The following NID2 variants were observed in gnomAD, a reference collection of about 807,000 sequenced individuals.
NID2 encodes the protein nidogen-2.
NID2 carries 83 observed loss-of-function variants against 145.4 expected under a neutral mutation model. The ratio of observed to expected loss-of-function variants is 0.57; its 90% CI spans 0.48 to 0.69. The LOEUF is 0.69. Among genes scored for constraint, NID2 ranks in the 30% least tolerant of loss-of-function variants. The pLI is 0.00. For synonymous variants in NID2, 739 were observed against 701.3 expected (o/e 1.05, Z -0.85); for missense variants, 1,807 against 1,765.7 (o/e 1.02, Z -0.42).
Position 52,005,374 on chromosome 14 carries a change from C to A in NID2, c.*112G>T. The A allele has an allele frequency of 9.7e-7, 1 of 1,031,222 alleles. No individual in the cohort carries two copies. Among genetic ancestry groups the A allele is most frequent in the South Asian group, 2.7e-5 (1 of 36,612 alleles). The allele number at this position is 1,031,222 out of a possible 1,614,324, so 63.9% of individuals were successfully genotyped here. On this transcript the variant is annotated 3_prime_UTR_variant, in exon 22 of 22. Coordinates refer to ENST00000216286, the MANE Select transcript of NID2 (RefSeq NM_007361.4). ...CTACAAAATGTTCATCTTGGATGCT[C>A]AGGAACGTCTAATGGCCAATTCCTT...
intron 3 of NID2, among the ~76,000 whole-genome samples, chr14:52,055,444 A>AAT (rs1892814041): frequency 6.6e-6 from 1 of 152,206 alleles, no homozygotes; most frequent in Non-Finnish European, 1.5e-5. Context: ...AAACCTAAAA[A>AAT]ATTTGTTTTT....
chr14:52,015,065 G>A lies in NID2; in HGVS notation c.3239C>T (p.Thr1080Ile). The A allele has an allele frequency of 6.2e-7, 1 of 1,613,496 alleles. No homozygotes were observed. The highest frequency in any genetic ancestry group is 1.1e-5 in the South Asian group (1 of 90,962). Residue 1080 changes from threonine (T) to isoleucine (I), a missense_variant, in exon 15 of 22, where the codon ACC becomes ATC. Physicochemically the swap from Thr to Ile is moderately conservative, Grantham distance 89. Coordinates refer to ENST00000216286, the MANE Select transcript of NID2 (RefSeq NM_007361.4). ...EVQGTRSQPG[T>I]TPACIPTVAP... The stretch of plus-strand genomic sequence containing the variant: ...GGCCAGGTGCTTACACGCAGGGGTG[G>A]TGCCTGGCTGGGAGCGGGTGCCCTG...
At chr14:52,067,775 C>A in intron 2 of NID2, 83 bp downstream of exon 2, 1 of 1,514,190 alleles carries the variant, frequency 6.6e-7, no homozygotes, top group Non-Finnish European at 9.1e-7. Flanking sequence ...AGAAACAACT[C>A]CGAGCCAGTC....
At chr14:52,043,495 G>C (rs8012177) in intron 5 of NID2, among the ~76,000 whole-genome samples, 6,796 of 152,216 alleles carry the variant, frequency 0.045, 221 homozygotes, top group South Asian at 0.1. Context: ...GACAGAGGAG[G>C]GCAAAACAAC....
chr14:52,050,898 A>G (rs1892657289), intron 5 of NID2, among the ~76,000 whole-genome samples: 1 of 152,224 alleles, frequency 6.6e-6, no homozygotes, highest in African/African-American at 2.4e-5. Flanking sequence ...CTCACTTTAG[A>G]GCAGCAGGCT....
At chr14:52,007,639 A>C in intron 19 of NID2, 171 bp downstream of exon 19, 1 of 656,454 alleles carries the variant, frequency 1.5e-6, no homozygotes, top group South Asian at 1.9e-5. Context: ...AAACCCCAGA[A>C]AGTTCATTTT....
Position 52,038,965 on chromosome 14 carries a change from G to A in NID2, c.2039C>T (p.Thr680Ile). 6.2e-7 allele frequency: 1 copy of A among 1,611,972 alleles called. No homozygotes were observed. The highest frequency in any genetic ancestry group is 8.5e-7 in the Non-Finnish European group (1 of 1,178,976). Residue 680 changes from threonine to isoleucine, a missense_variant, in exon 9 of 22, where the codon ACA becomes ATA. Thr to Ile is a moderately conservative substitution (Grantham distance 89). Coordinates refer to ENST00000216286, the MANE Select transcript of NID2 (RefSeq NM_007361.4). ...AGTCAGAGAGTAGTCTCTGGAACTTGTAGAGGTCACAGCTGCAACAAACAC... is the reference window on the plus strand; with the variant it reads ...AGTCAGAGAGTAGTCTCTGGAACTTATAGAGGTCACAGCTGCAACAAACAC... ...YHYSDSTVTS[T>I]SSRDYSLTFG...
chr14:52,068,722 AGGGAAGAAGCTGC>A, intron 1 of NID2, 32 bp downstream of exon 1: 1 of 1,531,484 alleles, frequency 6.5e-7, no homozygotes, highest in Non-Finnish European at 8.9e-7. Flanking sequence ...GACCGACCCC[AGGGAAGAAGCTGC>A]GGGAAAAGTG....
At chr14:52,007,643 T>G in intron 19 of NID2, 167 bp downstream of exon 19, 1 of 670,578 alleles carries the variant, frequency 1.5e-6, no homozygotes, top group Non-Finnish European at 2.6e-6. Flanking sequence ...CCCAGAAAGT[T>G]CATTTTAAGA....
intron 19 of NID2, 161 bp downstream of exon 19, chr14:52,007,649 T>C: frequency 1.4e-6 from 1 of 694,482 alleles, no homozygotes; most frequent in Non-Finnish European, 2.5e-6. Flanking sequence ...AAGTTCATTT[T>C]AAGACTCATT....
At chr14:52,027,433 C>T (rs1429529783) in intron 11 of NID2, 89 bp from the exon 12 acceptor site, 5 of 1,195,738 alleles carry the variant, frequency 4.2e-6, no homozygotes, top group Non-Finnish European at 5.5e-6. Flanking sequence ...AGACCAACAG[C>T]AACAGACCAG....
At chr14:52,053,176 C>A (rs1892731356) in intron 5 of NID2, among the ~76,000 whole-genome samples, 1 of 152,242 alleles carries the variant, frequency 6.6e-6, no homozygotes, top group African/African-American at 2.4e-5. Flanking sequence ...TCATCTGAGC[C>A]AGCACAACTC....
intron 14 of NID2, among the ~76,000 whole-genome samples, chr14:52,017,629 C>G (rs1037189689): frequency 2.0e-5 from 3 of 152,102 alleles, no homozygotes; most frequent in Admixed American, 6.5e-5. Context: ...ACCTCCCAAC[C>G]ATTTGATTTC....
rs376452276 is a variant in NID2, at chr14:52,004,882, A to ATACTT, written c.*599_*603dup. 2.4e-4 allele frequency: 40 copies of ATACTT among 167,702 alleles called. No individual in the cohort carries two copies. The highest frequency in any genetic ancestry group is 3.3e-4 in the Non-Finnish European group (26 of 78,638). 10.4% of individuals were successfully genotyped at this position (167,702 alleles called of 1,614,324 possible). ...TACATCTTTGGTATTTATAAATGTG[A>ATACTT]TACTTTACTTTCTGTGGGTACTTCT... On this transcript the variant is annotated 3_prime_UTR_variant, in exon 22 of 22. Transcript: ENST00000216286.
intron 2 of NID2, among the ~76,000 whole-genome samples, chr14:52,063,144 CT>C (rs1162613667): frequency 6.6e-6 from 1 of 152,220 alleles, no homozygotes; most frequent in Non-Finnish European, 1.5e-5. Context: ...GGCTCCCCCT[CT>C]CAAAAAACTC....
At chr14:52,038,507 T>C (rs1012848765) in intron 9 of NID2, among the ~76,000 whole-genome samples, 3 of 152,194 alleles carry the variant, frequency 2.0e-5, no homozygotes, top group Non-Finnish European at 4.4e-5. Flanking sequence ...TGGGTATTGC[T>C]ATAAACCAGC....
rs957299768 is a variant in NID2, at chr14:52,041,446, G to T, written c.1826-595C>A. 3.9e-5 allele frequency among the ~76,000 whole-genome samples: 6 copies of T among 152,308 alleles called. No individual in the cohort carries two copies. The East Asian group carries it at 1.2e-3, about 29-fold the overall frequency. On this transcript the variant is annotated intron_variant, in intron 7 of 21. Coordinates refer to ENST00000216286, the MANE Select transcript of NID2 (RefSeq NM_007361.4). ...AACTTCTCACAAAACTATTTTTAATGCAATAAAGATAAAACCTCTAGCAAA... is the reference window on the plus strand; with the variant it reads ...AACTTCTCACAAAACTATTTTTAATTCAATAAAGATAAAACCTCTAGCAAA...
At position 52,060,252 on chromosome 14, in the gene NID2, C is replaced by T. The variant is rs201880130; in HGVS notation, c.639G>A (p.Glu213=). 1.7e-5 allele frequency: 28 copies of T among 1,613,716 alleles called. No homozygotes were observed. The Admixed American group carries it at 3.2e-4, about 18-fold the overall frequency. The stretch of plus-strand genomic sequence containing the variant: ...GAAGCTGAAGCTGGACATTGTAAGA[C>T]TCTTTGGGGCGGGTTCCAAGGAACT... ...GLQFLGTRPK[E]SYNVQLQLPA... is the part of the protein sequence containing the mutation. Residue 213 remains glutamate (E), a synonymous_variant, in exon 3 of 22, where the codon GAG becomes GAA. Coordinates refer to ENST00000216286, the MANE Select transcript of NID2 (RefSeq NM_007361.4).
intron 3 of NID2, among the ~76,000 whole-genome samples, chr14:52,057,723 A>G (rs1426208202): frequency 1.4e-3 from 153 of 110,484 alleles, no homozygotes; most frequent in African/African-American, 3.7e-3. Flanking sequence ...AAAAAAAAAA[A>G]AAAAGAAAAG....
Sources: allele counts gnomAD v4.1 joint callset (sites outside exome capture counted in the v4.1 genomes callset), GRCh38; gene constraint gnomAD v4.1.1; transcripts MANE v1.5; gene names NCBI Gene and HGNC (gene_info 2026-07-23, HGNC 2026-07-21).